GRXCR2: variants seen among roughly 807,000 people sequenced by gnomAD.
GRXCR2 encodes the protein glutaredoxin and cysteine rich domain containing 2, also known as glutaredoxin domain-containing cysteine-rich protein 2.
Under a neutral mutation model 24.8 loss-of-function variants are expected in GRXCR2, and 23 were observed. The observed-to-expected ratio is 0.93, with a 90% confidence interval of 0.67 to 1.32. The LOEUF (loss-of-function observed/expected upper bound fraction) is 1.32. Among genes scored for constraint, GRXCR2 ranks in the 40% most tolerant of loss-of-function variants. GRXCR2 has a pLI of 0.00. For missense variants in GRXCR2, 315 were observed against 303.4 expected (o/e 1.04, Z -0.28); for synonymous variants, 130 against 116.1 (o/e 1.12, Z -0.77).
rs894475832 is a variant in GRXCR2, at chr5:145,858,765, T to C, written c.*968A>G. The C allele has an allele frequency of 5.9e-5, 9 of 152,168 alleles. No homozygotes were observed. The highest frequency in any genetic ancestry group is 2.2e-4 in the African/African-American group (9 of 41,440). 9.4% of individuals were successfully genotyped at this position (152,168 alleles called of 1,614,324 possible). A position where few individuals can be genotyped will look rare whatever the true frequency, so the allele number is the denominator to read the frequency against. ...GTTCATTAACAAAAGTATGTTCTAA[T>C]TTTATAACCAACCTCAAGAGGAAAG... On this transcript the variant is annotated 3_prime_UTR_variant, in exon 3 of 3. Transcript: ENST00000377976.
intron 2 of GRXCR2, among the ~76,000 whole-genome samples, chr5:145,926,271 T>C (rs563494505): frequency 2.6e-5 from 4 of 152,172 alleles, no homozygotes; most frequent in African/African-American, 9.6e-5. Flanking sequence ...TCAACTGTAA[T>C]GCATAAGCTA....
chr5:145,873,118 C>G (rs1165336823), upstream of GRXCR2: 1 of 631,474 alleles, frequency 1.6e-6, no homozygotes, highest in African/African-American at 1.8e-5. Flanking sequence ...AACTGACACC[C>G]ATACATTAAA....
In GRXCR2 at chr5:145,866,562, T is replaced by A; in HGVS notation, c.503A>T (p.Asp168Val). The part of the protein sequence containing the change: ...MNKEESYGGR[D>V]QHDRPLVEAE... Reference sequence around the variant, plus strand: ...CTCCACCAAAGGTCTATCGTGCTGGTCCCTGCCTCCATAGCTTTCTTCTTT... The same window carrying A: ...CTCCACCAAAGGTCTATCGTGCTGGACCCTGCCTCCATAGCTTTCTTCTTT... Residue 168 changes from aspartate to valine, a missense_variant, in exon 2 of 3, where the codon GAC (aspartate) becomes GTC (valine). Physicochemically the swap from Asp to Val is radical, Grantham distance 152. Transcript: ENST00000377976. The A allele has an allele frequency of 1.9e-6, 3 of 1,614,188 alleles. No homozygotes were observed. The highest frequency in any genetic ancestry group is 2.5e-6 in the Non-Finnish European group (3 of 1,180,006).
intron 2 of GRXCR2, among the ~76,000 whole-genome samples, chr5:145,916,557 G>A (rs1757241075): frequency 6.6e-6 from 1 of 152,146 alleles, no homozygotes; most frequent in Non-Finnish European, 1.5e-5. Context: ...GTCACAGAGG[G>A]CAATTTGTAT....
upstream of GRXCR2, among the ~76,000 whole-genome samples, chr5:145,875,354 T>C (rs774138150): frequency 8.5e-5 from 13 of 152,110 alleles, no homozygotes; most frequent in Non-Finnish European, 1.6e-4. Flanking sequence ...ATTAAGACCA[T>C]CCTGGCCAAC....
At chr5:145,862,682 C>G (rs1435574501) in intron 2 of GRXCR2, among the ~76,000 whole-genome samples, 2 of 152,154 alleles carry the variant, frequency 1.3e-5, no homozygotes, top group African/African-American at 4.8e-5. Flanking sequence ...GCTTGTAGAG[C>G]CCTGAAGATG....
chr5:145,898,912 G>T (rs189895814), intron 2 of GRXCR2, among the ~76,000 whole-genome samples: 1 of 152,050 alleles, frequency 6.6e-6, no homozygotes, highest in Admixed American at 6.6e-5. Flanking sequence ...CCTAGCCAGA[G>T]AAATCAGACG....
intron 2 of GRXCR2, among the ~76,000 whole-genome samples, chr5:145,907,528 CAA>C (rs113587429): frequency 2.1e-5 from 3 of 139,830 alleles, no homozygotes; most frequent in African/African-American, 2.6e-5. Context: ...GACTCCCTCT[CAA>C]AAAAAAAAAA....
intron 2 of GRXCR2, among the ~76,000 whole-genome samples, chr5:145,889,762 G>C (rs1756836831): frequency 6.6e-6 from 1 of 152,158 alleles, no homozygotes; most frequent in African/African-American, 2.4e-5. Flanking sequence ...AGAATTCAAA[G>C]CATGGATTGC....
chr5:145,880,388 C>A (rs943622246), intron 2 of GRXCR2, among the ~76,000 whole-genome samples: 9 of 152,140 alleles, frequency 5.9e-5, no homozygotes, highest in African/African-American at 1.9e-4. Flanking sequence ...CACAGAAATA[C>A]AAGCTATCAT....
chr5:145,866,865 A>G, intron 1 of GRXCR2, 137 bp from the exon 2 acceptor site: 1 of 627,706 alleles, frequency 1.6e-6, no homozygotes, highest in Non-Finnish European at 2.8e-6. Flanking sequence ...TCAGACCCCA[A>G]AGTCACAGTT....
chr5:145,871,158 T>G (rs1370359032), intron 1 of GRXCR2, among the ~76,000 whole-genome samples: 1 of 152,194 alleles, frequency 6.6e-6, no homozygotes, highest in African/African-American at 2.4e-5. Context: ...ATTTATCTAC[T>G]GTGGCCTTGC....
intron 2 of GRXCR2, among the ~76,000 whole-genome samples, chr5:145,897,827 GA>G (rs1253155795): frequency 2.6e-5 from 4 of 152,030 alleles, no homozygotes; most frequent in Non-Finnish European, 5.9e-5. Flanking sequence ...GCAGTGTTAA[GA>G]AGAAAGTTTA....
chr5:145,872,957 A>T lies in GRXCR2; in HGVS notation c.12T>A (p.Pro4=). 6.2e-7 allele frequency: 1 copy of T among 1,613,902 alleles called. No individual in the cohort carries two copies. The highest frequency in any genetic ancestry group is 8.5e-7 in the Non-Finnish European group (1 of 1,179,808). Residue 4 remains proline, a synonymous_variant, in exon 1 of 3, where the codon CCT becomes CCA. Coordinates refer to ENST00000377976, the MANE Select transcript of GRXCR2 (RefSeq NM_001080516.2). The part of the protein sequence containing the change: MED[P]EKKLNQKSDG... The stretch of plus-strand genomic sequence containing the variant: ...CACTCTTCTGATTCAGCTTTTTCTC[A>T]GGGTCCTCCATCAGCAGAAAGTTGA...
At chr5:145,897,609 T>C (rs565987633) in intron 2 of GRXCR2, among the ~76,000 whole-genome samples, 1 of 151,954 alleles carries the variant, frequency 6.6e-6, no homozygotes, top group Non-Finnish European at 1.5e-5. Context: ...ATCACAATTA[T>C]ACTAACCATA....
chr5:145,865,469 A>T (rs1756413761), intron 2 of GRXCR2, among the ~76,000 whole-genome samples: 1 of 152,202 alleles, frequency 6.6e-6, no homozygotes, highest in African/African-American at 2.4e-5. Context: ...TTTACTTTTT[A>T]TCTACAATTA....
chr5:145,930,542 A>T lies in GRXCR2; in HGVS notation c.-70+5159T>A, dbSNP rs114415313. On this transcript the variant is annotated intron_variant, in intron 2 of 3. Coordinates refer to the GRXCR2 transcript ENST00000639411. ...TTTCCCATTTATAGTAGTATTTTTT[A>T]AATTTCCCTTTAAAATAAATTATTT... Among the ~76,000 whole-genome samples the T allele has an allele frequency of 8.0e-3, 1,217 of 152,334 alleles. 27 individuals are homozygous for T. Among genetic ancestry groups the T allele is most frequent in the African/African-American group, 0.028 (1,150 of 41,566 alleles).
At chr5:145,882,125 C>G (rs1398416062) in intron 2 of GRXCR2, among the ~76,000 whole-genome samples, 1 of 152,162 alleles carries the variant, frequency 6.6e-6, no homozygotes, top group Admixed American at 6.5e-5. Context: ...GACTTCATGA[C>G]TAAAACACCA....
At chr5:145,904,196 C>A (rs1757061022) in intron 2 of GRXCR2, among the ~76,000 whole-genome samples, 1 of 152,066 alleles carries the variant, frequency 6.6e-6, no homozygotes, top group South Asian at 2.1e-4. Flanking sequence ...TCAATCCCAC[C>A]CCAGGGCAGA....
Sources: gnomAD v4.1 joint callset for allele counts (sites outside exome capture counted in the v4.1 genomes callset) on GRCh38, gnomAD v4.1.1 for gene constraint, MANE v1.5 for transcripts, NCBI Gene and HGNC (gene_info 2026-07-23, HGNC 2026-07-21) for gene names.